Variants in CCSER1 observed in about 807,000 individuals in gnomAD.
CCSER1 encodes the protein serine-rich coiled-coil domain-containing protein 1.
In CCSER1, 41 loss-of-function variants were observed where a neutral mutation model predicts 82.0. The observed-to-expected ratio is 0.50, with a 90% CI of 0.39 to 0.65. CCSER1 has a LOEUF of 0.65. Among genes scored for constraint, CCSER1 ranks in the 30% least tolerant of loss-of-function variants. The pLI is 0.00. For missense variants in CCSER1, 1,119 were observed against 1,064.2 expected (o/e 1.05, Z -0.72); for synonymous variants, 414 against 383.9 (o/e 1.08, Z -0.92).
At chr4:90,661,102 A>C (rs1178431417) in intron 6 of CCSER1, among the ~76,000 whole-genome samples, 3 of 152,150 alleles carry the variant, frequency 2.0e-5, no homozygotes, top group Non-Finnish European at 4.4e-5. Context: ...CATCTCTGAA[A>C]TTCATTCATA....
chr4:91,388,793 T>A (rs1156608464), intron 10 of CCSER1, among the ~76,000 whole-genome samples: 3 of 152,094 alleles, frequency 2.0e-5, no homozygotes, highest in African/African-American at 7.2e-5. Flanking sequence ...CTTCTAACTT[T>A]GTTTTTTTTC....
chr4:91,230,020 A>T (rs1471773379), intron 10 of CCSER1, among the ~76,000 whole-genome samples: 1 of 152,130 alleles, frequency 6.6e-6, no homozygotes, highest in Non-Finnish European at 1.5e-5. Context: ...TTTCTTTTGT[A>T]CCCCACCAAA....
At chr4:90,160,039 TAC>T in intron 1 of CCSER1, among the ~76,000 whole-genome samples, 1 of 152,358 alleles carries the variant, frequency 6.6e-6, no homozygotes, top group Admixed American at 6.5e-5. Flanking sequence ...ATTCTCATTT[TAC>T]AGATTGGAAA....
intron 4 of CCSER1, among the ~76,000 whole-genome samples, chr4:90,447,493 G>C (rs1437495448): frequency 1.3e-5 from 2 of 152,148 alleles, no homozygotes; most frequent in Non-Finnish European, 1.5e-5. Context: ...TGTATTTTCA[G>C]AGCCAAGAAT....
intron 10 of CCSER1, among the ~76,000 whole-genome samples, chr4:91,114,597 G>A (rs1377444219): frequency 1.3e-5 from 2 of 152,186 alleles, no homozygotes; most frequent in Non-Finnish European, 2.9e-5. Context: ...GCCTGAATGC[G>A]TGCATTTGAA....
At chr4:91,430,533 A>G (rs1020467477) in intron 10 of CCSER1, among the ~76,000 whole-genome samples, 1 of 152,252 alleles carries the variant, frequency 6.6e-6, no homozygotes, top group South Asian at 2.1e-4. Context: ...TTGCTGATAC[A>G]TAAAGGTAAC....
At chr4:90,801,957 C>T (rs1409006922) in intron 7 of CCSER1, among the ~76,000 whole-genome samples, 4 of 151,984 alleles carry the variant, frequency 2.6e-5, no homozygotes, top group Non-Finnish European at 4.4e-5. Context: ...CGTTGTCTCA[C>T]GCCTGTAATC....
chr4:90,526,948 C>T (rs1773845265), intron 5 of CCSER1, among the ~76,000 whole-genome samples: 1 of 152,216 alleles, frequency 6.6e-6, no homozygotes, highest in Non-Finnish European at 1.5e-5. Context: ...AATCTCCACA[C>T]TGTCTTCCAC....
chr4:90,563,136 G>A (rs1219031100), intron 5 of CCSER1, among the ~76,000 whole-genome samples: 1 of 149,938 alleles, frequency 6.7e-6, no homozygotes, highest in African/African-American at 2.5e-5. Flanking sequence ...TTTTTGAGAC[G>A]AAGTCTTGCT....
At chr4:90,355,550 G>T (rs1262693236) in intron 3 of CCSER1, among the ~76,000 whole-genome samples, 1 of 151,898 alleles carries the variant, frequency 6.6e-6, no homozygotes, top group Non-Finnish European at 1.5e-5. Flanking sequence ...CATGTTTGGT[G>T]GAAGTCAAAT....
chr4:91,009,998 A>G (rs1227589900), intron 9 of CCSER1, among the ~76,000 whole-genome samples: 1 of 152,006 alleles, frequency 6.6e-6, no homozygotes, highest in Non-Finnish European at 1.5e-5. Context: ...AGAATTTTTT[A>G]CTTTCTAAAA....
intron 6 of CCSER1, among the ~76,000 whole-genome samples, chr4:90,707,756 A>G (rs148783621): frequency 2.0e-5 from 3 of 152,146 alleles, no homozygotes; most frequent in Non-Finnish European, 2.9e-5. Flanking sequence ...CAAGGATGAC[A>G]TGAGAGTGCA....
intron 3 of CCSER1, among the ~76,000 whole-genome samples, chr4:90,384,962 C>T (rs1049557392): frequency 1.3e-5 from 2 of 152,144 alleles, no homozygotes; most frequent in African/African-American, 2.4e-5. Flanking sequence ...TTAGCCCCAA[C>T]TTATAAGTGA....
intron 10 of CCSER1, among the ~76,000 whole-genome samples, chr4:91,424,537 CT>C (rs1753868123): frequency 1.3e-5 from 2 of 152,112 alleles, no homozygotes; most frequent in Admixed American, 1.3e-4. Context: ...ACATTTCTAG[CT>C]ATATGCACTT....
chr4:90,641,419 C>G (rs917282196), intron 6 of CCSER1, among the ~76,000 whole-genome samples: 1 of 151,956 alleles, frequency 6.6e-6, no homozygotes, highest in Non-Finnish European at 1.5e-5. Flanking sequence ...ACACAGAGGT[C>G]TTTCTAGGTA....
intron 3 of CCSER1, among the ~76,000 whole-genome samples, chr4:90,380,385 C>A (rs975671063): frequency 6.6e-6 from 1 of 152,096 alleles, no homozygotes; most frequent in Non-Finnish European, 1.5e-5. Context: ...ATTTTAGTTA[C>A]TTAATTATTA....
rs551121189 is a variant in CCSER1, at chr4:91,405,600, G to A, written c.2218-192972G>A. 5.0e-4 allele frequency among the ~76,000 whole-genome samples: 76 copies of A among 152,240 alleles called. 1 individual carries two copies. In the South Asian group the frequency reaches 0.011, roughly 23 times the overall value. ...TGGCTGGCGCCCCTCCCCCTGCCTC[G>A]GGGCTGCCTTGCAATTCAATATCAG... On this transcript the variant is annotated intron_variant, in intron 10 of 10. Coordinates refer to ENST00000509176, the MANE Select transcript of CCSER1 (RefSeq NM_001145065.2).
chr4:91,100,433 T>G (rs1000532571), intron 10 of CCSER1, among the ~76,000 whole-genome samples: 4 of 152,058 alleles, frequency 2.6e-5, no homozygotes, highest in Non-Finnish European at 4.4e-5. Flanking sequence ...TGTCAGAGAG[T>G]GTTTGAGTGT....
At chr4:91,542,807 G>A (rs931113776) in intron 10 of CCSER1, among the ~76,000 whole-genome samples, 5 of 152,194 alleles carry the variant, frequency 3.3e-5, no homozygotes, top group Non-Finnish European at 7.3e-5. Flanking sequence ...TTCTGTAGAT[G>A]TCTATCAGGC....
Sources: gnomAD v4.1 joint callset for allele counts (sites outside exome capture counted in the v4.1 genomes callset) on GRCh38, gnomAD v4.1.1 for gene constraint, MANE v1.5 for transcripts, NCBI Gene and HGNC (gene_info 2026-07-23, HGNC 2026-07-21) for gene names.